Variants in UNC13B observed in about 807,000 individuals in gnomAD.
UNC13B encodes the protein protein unc-13 homolog B.
A neutral mutation model predicts 211.0 loss-of-function variants in UNC13B; 144 were observed. The observed-to-expected ratio is 0.68, with a 90% CI of 0.60 to 0.78. UNC13B has a LOEUF of 0.78. Among genes scored for constraint, UNC13B ranks in the 30% least tolerant of loss-of-function variants. The pLI is 0.00. For missense variants in UNC13B, 1,777 were observed against 2,002.0 expected (o/e 0.89, Z 2.14); for synonymous variants, 709 against 725.8 (o/e 0.98, Z 0.37).
chr9:35,300,349 G>A lies in UNC13B; in HGVS notation c.945G>A (p.Gly315=), dbSNP rs542779022. 1.0e-5 allele frequency: 4 copies of A among 398,804 alleles called. No homozygotes were observed. Among genetic ancestry groups the A allele is most frequent in the Non-Finnish European group, 4.4e-6 (1 of 226,028 alleles). 24.7% of individuals were successfully genotyped at this position (398,804 alleles called of 1,614,324 possible). A position where few individuals can be genotyped will look rare whatever the true frequency, so the allele number is the denominator to read the frequency against. ...LCHTEKKQNM[G]YPVLYPYKNG... ...ATACTGAAAAGAAACAAAATATGGG[G>A]TACCCAGTTTTGTACCCCTACAAAA... Residue 315 remains glycine (G), a synonymous_variant, in exon 9 of 40, where the codon GGG becomes GGA. Coordinates refer to ENST00000635942, the MANE Select transcript of UNC13B (RefSeq NM_001371189.2).
rs146997010 is a variant in UNC13B, at chr9:35,380,521, T to C, written c.10257T>C (p.Asp3419=). The C allele has an allele frequency of 3.3e-5, 53 of 1,614,074 alleles. No homozygotes were observed. Among genetic ancestry groups the C allele is most frequent in the Non-Finnish European group, 4.4e-5 (52 of 1,180,034 alleles). ...TTAAGGTGCGTGTATGGGATGAGGATGATGACATCAAGTCAAGAGTAAAGC... is the reference window on the plus strand; with the variant it reads ...TTAAGGTGCGTGTATGGGATGAGGACGATGACATCAAGTCAAGAGTAAAGC... ...DRIKVRVWDE[D]DDIKSRVKQR... The change falls in exon 18 of 40, where the codon GAT becomes GAC. Residue 3419 remains aspartate, a synonymous_variant. Transcript: ENST00000635942.
chr9:35,353,454 A>T, intron 11 of UNC13B: 5 of 1,232,244 alleles, frequency 4.1e-6, no homozygotes, highest in Non-Finnish European at 5.1e-6. Context: ...TGCTCACTGG[A>T]GAGCCCTGGG....
Position 35,162,051 on chromosome 9 carries a change from C to G in UNC13B, c.-233C>G, listed in dbSNP as rs1820804602. The stretch of plus-strand genomic sequence containing the variant: ...CCTCCCAGCGATGGCGTCGCTGTGC[C>G]GCGCCCAGTCCCCAGCCTGCCGGCC... On this transcript the variant is annotated 5_prime_UTR_variant, in exon 1 of 40. Coordinates refer to ENST00000635942, the MANE Select transcript of UNC13B (RefSeq NM_001371189.2). The G allele has an allele frequency of 3.5e-6, 2 of 574,124 alleles. No individual in the cohort carries two copies. Among genetic ancestry groups the G allele is most frequent in the African/African-American group, 2.0e-5 (1 of 49,890 alleles). The allele number at this position is 574,124 out of a possible 1,614,324, so 35.6% of individuals were successfully genotyped here.
chr9:35,336,323 T>G (rs1476041245), intron 11 of UNC13B, among the ~76,000 whole-genome samples: 2 of 152,058 alleles, frequency 1.3e-5, no homozygotes, highest in Non-Finnish European at 2.9e-5. Context: ...CCGTCAAACA[T>G]AAAATCTAAC....
At chr9:35,358,556 A>T (rs1230888398) in intron 11 of UNC13B, among the ~76,000 whole-genome samples, 1 of 151,924 alleles carries the variant, frequency 6.6e-6, no homozygotes, top group Non-Finnish European at 1.5e-5. Context: ...AGTGCAATTT[A>T]TCCATTTTTT....
intron 11 of UNC13B, among the ~76,000 whole-genome samples, chr9:35,355,736 A>G (rs1832984625): frequency 6.6e-6 from 1 of 152,218 alleles, no homozygotes; most frequent in Non-Finnish European, 1.5e-5. Flanking sequence ...TGAGGCAGTA[A>G]TTTCTCAGCT....
At chr9:35,371,349 CTTT>C (rs751513784) in intron 13 of UNC13B, among the ~76,000 whole-genome samples, 2 of 138,826 alleles carry the variant, frequency 1.4e-5, no homozygotes, top group Non-Finnish European at 1.6e-5. Flanking sequence ...TTCTTTCTTT[CTTT>C]TTTTTTTTTT....
In UNC13B at chr9:35,403,995, C is replaced by T. The variant is rs1217766876; in HGVS notation, c.12985C>T (p.Leu4329Phe). The stretch of plus-strand genomic sequence containing the variant: ...CGAGGTGGCCCGAGAATTTGTGAAA[C>T]TCAAATCAGAGTCTCGTTCCACGGA... ...NDEVAREFVK[L>F]KSESRSTEEG... Residue 4329 changes from leucine to phenylalanine, a missense_variant, in exon 40 of 40, where the codon CTC (leucine) becomes TTC (phenylalanine). Coordinates refer to ENST00000635942, the MANE Select transcript of UNC13B (RefSeq NM_001371189.2). The T allele has an allele frequency of 6.2e-7, 1 of 1,614,026 alleles. No homozygotes were observed. The highest frequency in any genetic ancestry group is 1.1e-5 in the South Asian group (1 of 91,066).
intron 1 of UNC13B, among the ~76,000 whole-genome samples, chr9:35,189,924 G>T (rs1564056907): frequency 6.6e-6 from 1 of 152,102 alleles, no homozygotes; most frequent in Non-Finnish European, 1.5e-5. Flanking sequence ...GCCCACCTCG[G>T]CCTCCCAAAG....
At position 35,237,788 on chromosome 9, in the gene UNC13B, A is replaced by G. The variant is rs1212197834; in HGVS notation, c.356A>G (p.His119Arg). 6.2e-7 allele frequency: 1 copy of G among 1,613,854 alleles called. No homozygotes were observed. The change falls in exon 5 of 40, where the codon CAT becomes CGT. Residue 119 changes from histidine to arginine, a missense_variant. His to Arg is a conservative substitution (Grantham distance 29). Coordinates refer to ENST00000635942, the MANE Select transcript of UNC13B (RefSeq NM_001371189.2). ...EICGTRNPTP[H>R]KILLDTRFEL... is the part of the protein sequence containing the mutation. ...TGTGGAACTAGAAACCCAACTCCTC[A>G]TAAAATTTTGCTTGATACAAGATTT...
chr9:35,237,270 T>C (rs1162410542), intron 4 of UNC13B, among the ~76,000 whole-genome samples: 2 of 152,156 alleles, frequency 1.3e-5, no homozygotes, highest in Non-Finnish European at 2.9e-5. Context: ...TCTGTATTTC[T>C]TTTAGTTCTA....
intron 6 of UNC13B, among the ~76,000 whole-genome samples, chr9:35,252,790 C>T (rs1275173648): frequency 1.3e-5 from 2 of 152,008 alleles, no homozygotes; most frequent in African/African-American, 4.8e-5. Context: ...ATTAGCCGGG[C>T]GTGTTGGCAG....
intron 11 of UNC13B, among the ~76,000 whole-genome samples, chr9:35,314,711 T>C (rs1830358112): frequency 1.3e-5 from 2 of 151,888 alleles, no homozygotes; most frequent in Admixed American, 1.3e-4. Flanking sequence ...CTTCTAAGTC[T>C]CCAGTGTCTA....
At chr9:35,358,019 A>T (rs1365933429) in intron 11 of UNC13B, among the ~76,000 whole-genome samples, 1 of 152,164 alleles carries the variant, frequency 6.6e-6, no homozygotes, top group Non-Finnish European at 1.5e-5. Flanking sequence ...TGATCTAAGT[A>T]CCTCATGTAA....
At chr9:35,344,251 C>G (rs1245029169) in intron 11 of UNC13B, among the ~76,000 whole-genome samples, 1 of 152,178 alleles carries the variant, frequency 6.6e-6, no homozygotes, top group Non-Finnish European at 1.5e-5. Flanking sequence ...TGCCCCCACA[C>G]TCTTTTTTTG....
At chr9:35,203,338 A>G (rs899518124) in intron 1 of UNC13B, among the ~76,000 whole-genome samples, 1 of 152,160 alleles carries the variant, frequency 6.6e-6, no homozygotes, top group Non-Finnish European at 1.5e-5. Flanking sequence ...AGGAGCTCTT[A>G]TAAGGCAGGC....
intron 12 of UNC13B, among the ~76,000 whole-genome samples, chr9:35,368,421 G>C (rs773813042): frequency 6.6e-6 from 1 of 152,148 alleles, no homozygotes; most frequent in Non-Finnish European, 1.5e-5. Context: ...AGTATTCTGC[G>C]GTGTATATGT....
chr9:35,255,486 A>T (rs1564096532), intron 6 of UNC13B, among the ~76,000 whole-genome samples: 1 of 152,044 alleles, frequency 6.6e-6, no homozygotes, highest in Non-Finnish European at 1.5e-5. Flanking sequence ...TTTTATTATT[A>T]CTCAAATCAG....
chr9:35,255,032 A>AAT (rs1290730265), intron 6 of UNC13B, among the ~76,000 whole-genome samples: 1 of 119,370 alleles, frequency 8.4e-6, no homozygotes, highest in Non-Finnish European at 1.6e-5. Flanking sequence ...TATATAATAT[A>AAT]ATATATATTA....
Sources: allele counts gnomAD v4.1 joint callset (sites outside exome capture counted in the v4.1 genomes callset), GRCh38; gene constraint gnomAD v4.1.1; transcripts MANE v1.5; gene names NCBI Gene and HGNC (gene_info 2026-07-23, HGNC 2026-07-21).